Variants in SATB2 observed in about 807,000 individuals in gnomAD.
SATB2 encodes the protein DNA-binding protein SATB2.
SATB2 carries 1 observed loss-of-function variant against 73.4 expected under a neutral mutation model. The observed-to-expected ratio is 0.01, with a 90% CI of 0.00 to 0.06. SATB2 has a LOEUF of 0.06. Ranked by LOEUF, SATB2 falls within the 10% of genes least tolerant of loss-of-function variation. The probability of loss-of-function intolerance (pLI) is 1.00; values close to 1 mark genes in which losing one functional copy is unlikely to be tolerated. For synonymous variants in SATB2, 397 were observed against 367.0 expected (o/e 1.08, Z -0.93); for missense variants, 459 against 945.8 (o/e 0.49, Z 6.75).
At chr2:199,284,391 CA>C (rs1285368995) in intron 10 of SATB2, among the ~76,000 whole-genome samples, 1 of 152,128 alleles carries the variant, frequency 6.6e-6, no homozygotes, top group Admixed American at 6.5e-5. Flanking sequence ...TTCCACTTTG[CA>C]ACTAACCATT....
chr2:199,319,833 G>T (rs867946042), intron 9 of SATB2, among the ~76,000 whole-genome samples: 1 of 151,908 alleles, frequency 6.6e-6, no homozygotes, highest in Non-Finnish European at 1.5e-5. Flanking sequence ...ATAAAAGGGA[G>T]AAGATAGCAG....
At chr2:199,391,994 T>C (rs532098366) in intron 3 of SATB2, among the ~76,000 whole-genome samples, 27 of 152,296 alleles carry the variant, frequency 1.8e-4, no homozygotes, top group African/African-American at 6.0e-4. Flanking sequence ...CCCAGGAATT[T>C]GCAGATTACT....
At chr2:199,373,876 T>A (rs1398725135) in intron 5 of SATB2, among the ~76,000 whole-genome samples, 1 of 152,154 alleles carries the variant, frequency 6.6e-6, no homozygotes, top group Non-Finnish European at 1.5e-5. Context: ...ACATGATGCA[T>A]CCCCACTACA....
intron 3 of SATB2, among the ~76,000 whole-genome samples, chr2:199,386,698 G>GCACGTGCGCA (rs1436634980): frequency 4.8e-3 from 27 of 5,606 alleles, no homozygotes; most frequent in Admixed American, 6.3e-3. Context: ...GTGCGCAAGC[G>GCACGTGCGCA]CGCGCGCGCG....
chr2:199,409,118 A>G (rs1690728222), intron 3 of SATB2, among the ~76,000 whole-genome samples: 1 of 151,778 alleles, frequency 6.6e-6, no homozygotes, highest in South Asian at 2.1e-4. Flanking sequence ...ATAATTAGAA[A>G]GCTGAATTTA....
chr2:199,273,898 G>A (rs915201078), intron 10 of SATB2, among the ~76,000 whole-genome samples: 2 of 152,100 alleles, frequency 1.3e-5, no homozygotes, highest in Admixed American at 6.5e-5. Flanking sequence ...CTTTGTGGAG[G>A]GGGAGATGGA....
intron 3 of SATB2, chr2:199,423,711 A>C (rs1691241420): frequency 6.6e-6 from 1 of 152,168 alleles, no homozygotes; most frequent in African/African-American, 2.4e-5. Flanking sequence ...TAGATTCTCA[A>C]GAAGAACCAC....
chr2:199,323,286 TC>T (rs1687938136), intron 9 of SATB2, among the ~76,000 whole-genome samples: 1 of 152,046 alleles, frequency 6.6e-6, no homozygotes, highest in Admixed American at 6.6e-5. Flanking sequence ...GTGTGTTTTC[TC>T]CTGAAAAAAT....
intron 10 of SATB2, among the ~76,000 whole-genome samples, chr2:199,286,357 C>T (rs1692688587): frequency 1.3e-5 from 2 of 152,172 alleles, no homozygotes; most frequent in Admixed American, 1.3e-4. Flanking sequence ...TTATACCTTT[C>T]CCTTAATCAG....
upstream of SATB2, chr2:199,469,069 G>T (rs1007770857): frequency 6.6e-6 from 1 of 152,310 alleles, no homozygotes; most frequent in Non-Finnish European, 1.5e-5. Flanking sequence ...AGGAAAGGCC[G>T]CGCGGAGGCG....
intron 8 of SATB2, among the ~76,000 whole-genome samples, chr2:199,328,181 T>C (rs539549409): frequency 6.6e-6 from 1 of 152,214 alleles, no homozygotes; most frequent in African/African-American, 2.4e-5. Context: ...GGGACAGAAA[T>C]ATAGTATGGG....
intron 6 of SATB2, among the ~76,000 whole-genome samples, chr2:199,366,411 A>G (rs1264437665): frequency 6.6e-6 from 1 of 152,122 alleles, no homozygotes; most frequent in Non-Finnish European, 1.5e-5. Context: ...ACCAAATAAA[A>G]TATGCCTGCT....
intron 8 of SATB2, among the ~76,000 whole-genome samples, chr2:199,324,600 C>T (rs4673313): frequency 0.76 from 116,021 of 152,038 alleles, 46,234 homozygotes; most frequent in South Asian, 0.91. Flanking sequence ...ACTCATATTG[C>T]GGTTTTATGT....
chr2:199,380,724 A>G (rs1031909878), intron 4 of SATB2, among the ~76,000 whole-genome samples: 11 of 152,238 alleles, frequency 7.2e-5, no homozygotes, highest in African/African-American at 2.4e-4. Flanking sequence ...CATTTGCAAT[A>G]CAAGAGATGC....
intron 9 of SATB2, among the ~76,000 whole-genome samples, chr2:199,310,895 T>C (rs1687576872): frequency 6.6e-6 from 1 of 152,222 alleles, no homozygotes; most frequent in African/African-American, 2.4e-5. Context: ...GTATCTCCAC[T>C]TATGACACTG....
chr2:199,289,834 T>C (rs1692800880), intron 10 of SATB2, among the ~76,000 whole-genome samples: 1 of 152,180 alleles, frequency 6.6e-6, no homozygotes, highest in African/African-American at 2.4e-5. Context: ...TGTTGCTGAT[T>C]ATTCCTTTTA....
chr2:199,308,429 C>T lies in SATB2; in HGVS notation c.1740+331G>A, dbSNP rs181099426. Reference sequence around the variant, plus strand: ...ATGAACTGATGGAAACCATGTTTTCCGATCGAGAGATTTAATTCTCCGTGA... The same window carrying T: ...ATGAACTGATGGAAACCATGTTTTCTGATCGAGAGATTTAATTCTCCGTGA... On this transcript the variant is annotated intron_variant, in intron 10 of 10. Transcript: ENST00000417098. This position sits in a 1 kb window ranked among gnomAD's most constrained non-coding sequence, Gnocchi z 4.6. Among the ~76,000 whole-genome samples the T allele has an allele frequency of 6.6e-6, 1 of 152,206 alleles. No homozygotes were observed. Among genetic ancestry groups the T allele is most frequent in the African/African-American group, 2.4e-5 (1 of 41,528 alleles).
At chr2:199,412,057 G>A (rs1166383525) in intron 3 of SATB2, among the ~76,000 whole-genome samples, 4 of 152,230 alleles carry the variant, frequency 2.6e-5, no homozygotes, top group South Asian at 4.2e-4. Flanking sequence ...TGGGGAGTGC[G>A]AGGAGTCACA....
At chr2:199,451,459 A>T (rs1320264550) in intron 2 of SATB2, among the ~76,000 whole-genome samples, 1 of 151,886 alleles carries the variant, frequency 6.6e-6, no homozygotes, top group Middle Eastern at 3.4e-3. Context: ...TAAAAAAAAA[A>T]AAAAAAAGTG....
Sources: gnomAD v4.1 joint callset for allele counts (sites outside exome capture counted in the v4.1 genomes callset) on GRCh38, gnomAD v4.1.1 for gene constraint, Gnocchi (gnomAD v3.1) non-coding constraint, MANE v1.5 for transcripts, NCBI Gene and HGNC (gene_info 2026-07-23, HGNC 2026-07-21) for gene names.